The following ROR1 variants were observed in gnomAD, a reference collection of about 807,000 sequenced individuals.
The protein encoded by ROR1 is inactive tyrosine-protein kinase transmembrane receptor ROR1.
A neutral mutation model predicts 78.8 loss-of-function variants in ROR1; 19 were observed. That is an observed-to-expected ratio of 0.24 (90% CI 0.17 to 0.35). The LOEUF is 0.35. Among genes scored for constraint, ROR1 ranks in the 10% least tolerant of loss-of-function variants. ROR1 has a pLI of 1.00. For missense variants in ROR1, 917 were observed against 1,177.8 expected, an observed-to-expected ratio of 0.78 and a Z score of 3.24; for synonymous variants, 386 against 433.6, an observed-to-expected ratio of 0.89 and a Z score of 1.36.
chr1:63,961,250 G>C (rs1411469556), intron 1 of ROR1, among the ~76,000 whole-genome samples: 1 of 152,090 alleles, frequency 6.6e-6, no homozygotes, highest in African/African-American at 2.4e-5. Flanking sequence ...ATATAAATTA[G>C]TACAGCCATT....
intron 1 of ROR1, among the ~76,000 whole-genome samples, chr1:64,004,274 G>A (rs1646410547): frequency 6.6e-6 from 1 of 152,168 alleles, no homozygotes; most frequent in South Asian, 2.1e-4. Context: ...ATTTTCCACA[G>A]TACCTGTAAA....
In ROR1 at chr1:64,169,896, C is replaced by T. The variant is rs545830324; in HGVS notation, c.1387-7532C>T. Among the ~76,000 whole-genome samples the T allele has an allele frequency of 1.3e-4, 20 of 152,328 alleles. No homozygotes were observed. In the East Asian group the frequency reaches 3.3e-3, roughly 25 times the overall value. On this transcript the variant is annotated intron_variant, in intron 8 of 8. Coordinates refer to ENST00000371079, the MANE Select transcript of ROR1 (RefSeq NM_005012.4). ...GCAGGGCAGTCAAATCTTAAGGCTCCAAAATGATCTCCTTTGACTCCATGT... is the reference window on the plus strand; with the variant it reads ...GCAGGGCAGTCAAATCTTAAGGCTCTAAAATGATCTCCTTTGACTCCATGT...
At chr1:64,090,449 C>T (rs1647186648) in intron 4 of ROR1, among the ~76,000 whole-genome samples, 1 of 152,166 alleles carries the variant, frequency 6.6e-6, no homozygotes, top group Non-Finnish European at 1.5e-5. Context: ...CTCTTTGATG[C>T]TCTGCTTAGT....
intron 1 of ROR1, among the ~76,000 whole-genome samples, chr1:63,880,441 G>T (rs186960406): frequency 6.6e-6 from 1 of 152,138 alleles, no homozygotes; most frequent in African/African-American, 2.4e-5. Flanking sequence ...CTTCATACAA[G>T]GAGAGAGAAC....
At chr1:64,152,831 C>T (rs1230401764) in intron 7 of ROR1, among the ~76,000 whole-genome samples, 3 of 152,092 alleles carry the variant, frequency 2.0e-5, no homozygotes, top group Non-Finnish European at 4.4e-5. Context: ...CAGGATTCCT[C>T]AAGCATAGCC....
At chr1:63,916,505 T>C in intron 1 of ROR1, among the ~76,000 whole-genome samples, 1 of 152,222 alleles carries the variant, frequency 6.6e-6, no homozygotes, top group South Asian at 2.1e-4. Flanking sequence ...TCATGTTTAA[T>C]GTAAATACAC....
chr1:63,923,308 G>T lies in ROR1; in HGVS notation c.92-85997G>T, dbSNP rs17125820. 5.7e-3 allele frequency among the ~76,000 whole-genome samples: 861 copies of T among 152,206 alleles called. 7 individuals are homozygous for T. Among genetic ancestry groups the T allele is most frequent in the African/African-American group, 0.02 (831 of 41,540 alleles). On this transcript the variant is annotated intron_variant, in intron 1 of 8. Coordinates refer to ENST00000371079, the MANE Select transcript of ROR1 (RefSeq NM_005012.4). ...TGAAAAGGTGATTGACACTGGAGAC[G>T]CAAGGTCCTGTTGGTTTGGGCTGGT... is the stretch of plus-strand genomic sequence containing the variant.
At chr1:64,100,370 C>A (rs889772949) in intron 4 of ROR1, among the ~76,000 whole-genome samples, 1 of 151,936 alleles carries the variant, frequency 6.6e-6, no homozygotes, top group East Asian at 1.9e-4. Context: ...TTCATATAGT[C>A]CCAGCTACTC....
At chr1:63,859,235 A>C (rs1361764759) in intron 1 of ROR1, among the ~76,000 whole-genome samples, 1 of 152,142 alleles carries the variant, frequency 6.6e-6, no homozygotes, top group Non-Finnish European at 1.5e-5. Context: ...AGCGCTTTTA[A>C]GTAAGACAGT....
chr1:63,872,568 A>G (rs1004308064), intron 1 of ROR1, among the ~76,000 whole-genome samples: 10 of 152,158 alleles, frequency 6.6e-5, no homozygotes, highest in Admixed American at 6.6e-5. Context: ...ATTGAAAGAT[A>G]TACACACCAC....
At chr1:64,109,460 A>G (rs1232777491) in intron 4 of ROR1, among the ~76,000 whole-genome samples, 1 of 152,142 alleles carries the variant, frequency 6.6e-6, no homozygotes, top group Non-Finnish European at 1.5e-5. Context: ...TTTTTGACTC[A>G]AGCCCTGAGC....
intron 7 of ROR1, among the ~76,000 whole-genome samples, chr1:64,151,644 G>A (rs2762835): frequency 0.22 from 32,865 of 151,550 alleles, 4,219 homozygotes; most frequent in East Asian, 0.36. Flanking sequence ...AGGCCGAGGC[G>A]GGCAGATCAT....
chr1:64,057,269 C>G (rs1646882196), intron 4 of ROR1, among the ~76,000 whole-genome samples: 1 of 152,100 alleles, frequency 6.6e-6, no homozygotes, highest in Non-Finnish European at 1.5e-5. Context: ...CCATTCTTTA[C>G]CCATTGAATT....
chr1:64,002,986 C>T (rs1646397743), intron 1 of ROR1, among the ~76,000 whole-genome samples: 1 of 152,156 alleles, frequency 6.6e-6, no homozygotes, highest in South Asian at 2.1e-4. Context: ...GCTTTGCCCT[C>T]AGTCTTCCTG....
chr1:63,882,005 G>A (rs1645326132), intron 1 of ROR1, among the ~76,000 whole-genome samples: 3 of 152,108 alleles, frequency 2.0e-5, no homozygotes, highest in Admixed American at 2.0e-4. Flanking sequence ...CCATATGTTA[G>A]GTACTATAGG....
intron 1 of ROR1, among the ~76,000 whole-genome samples, chr1:63,813,970 T>G (rs369301796): frequency 6.6e-6 from 1 of 152,240 alleles, no homozygotes; most frequent in Non-Finnish European, 1.5e-5. Flanking sequence ...CCTATCTGCT[T>G]CTTCTGTTGC....
intron 2 of ROR1, among the ~76,000 whole-genome samples, chr1:64,026,555 A>C (rs964516941): frequency 3.3e-5 from 5 of 152,194 alleles, no homozygotes; most frequent in African/African-American, 1.2e-4. Context: ...TATCTGTACT[A>C]GTCCATTTTC....
intron 1 of ROR1, among the ~76,000 whole-genome samples, chr1:63,928,689 C>T (rs1167248014): frequency 1.3e-5 from 2 of 152,174 alleles, no homozygotes; most frequent in Admixed American, 6.5e-5. Flanking sequence ...GGGACTTTGT[C>T]ATCACAAGAC....
At chr1:64,066,390 T>A (rs1244562201) in intron 4 of ROR1, among the ~76,000 whole-genome samples, 2 of 151,354 alleles carry the variant, frequency 1.3e-5, no homozygotes, top group East Asian at 3.9e-4. Flanking sequence ...CCATCTTGGC[T>A]CACTGCAAGC....
Sources: allele counts gnomAD v4.1 joint callset (sites outside exome capture counted in the v4.1 genomes callset), GRCh38; gene constraint gnomAD v4.1.1; transcripts MANE v1.5; gene names NCBI Gene and HGNC (gene_info 2026-07-23, HGNC 2026-07-21).